Variants in TDRP observed in about 807,000 individuals in gnomAD.
TDRP encodes the protein testis development related protein.
A neutral mutation model predicts 10.5 loss-of-function variants in TDRP; 12 were observed. The ratio of observed to expected loss-of-function variants is 1.15; its 90% CI spans 0.73 to 1.86. The LOEUF is 1.86. TDRP is among the 40% of genes most tolerant of loss of function. The probability of loss-of-function intolerance (pLI) is 0.00; values close to 1 mark genes in which losing one functional copy is unlikely to be tolerated. For missense variants in TDRP, 353 were observed against 229.2 expected, an observed-to-expected ratio of 1.54 and a Z score of -3.49; for synonymous variants, 139 against 95.4, an observed-to-expected ratio of 1.46 and a Z score of -2.67.
intron 1 of TDRP, among the ~76,000 whole-genome samples, chr8:540,579 C>A (rs1026808568): frequency 2.0e-5 from 3 of 151,930 alleles, no homozygotes; most frequent in Admixed American, 2.0e-4. Context: ...TGGAGGATTG[C>A]AATGAATGAT....
At chr8:531,196 G>C (rs989112305) in intron 1 of TDRP, among the ~76,000 whole-genome samples, 3 of 152,058 alleles carry the variant, frequency 2.0e-5, no homozygotes, top group African/African-American at 7.2e-5. Context: ...CTACTTCAAT[G>C]CAGCTGTTCT....
At chr8:523,978 T>C (rs1054193526) in intron 1 of TDRP, among the ~76,000 whole-genome samples, 1 of 152,190 alleles carries the variant, frequency 6.6e-6, no homozygotes, top group Admixed American at 6.5e-5. Flanking sequence ...GCAGTGGTTA[T>C]AGCAGGGCCT....
At chr8:521,825 T>C (rs987856779) in intron 1 of TDRP, among the ~76,000 whole-genome samples, 1 of 152,334 alleles carries the variant, frequency 6.6e-6, no homozygotes, top group Admixed American at 6.5e-5. Flanking sequence ...GTGGGTAATA[T>C]GGACATTTTA....
intron 1 of TDRP, among the ~76,000 whole-genome samples, chr8:505,952 C>G (rs1400642706): frequency 6.6e-6 from 1 of 152,076 alleles, no homozygotes; most frequent in Non-Finnish European, 1.5e-5. Flanking sequence ...GGACAGGGTC[C>G]CTAAGCAGCA....
chr8:516,769 A>C (rs1000946903), intron 1 of TDRP, among the ~76,000 whole-genome samples: 3 of 152,350 alleles, frequency 2.0e-5, no homozygotes, highest in African/African-American at 7.2e-5. Flanking sequence ...ACTTGAAACC[A>C]AATGACTTGA....
intron 1 of TDRP, among the ~76,000 whole-genome samples, chr8:536,297 G>T (rs1802346864): frequency 6.6e-6 from 1 of 152,218 alleles, no homozygotes; most frequent in Non-Finnish European, 1.5e-5. Context: ...TTAGTGAGCT[G>T]ATCTGAGTCT....
chr8:517,632 C>T (rs1198228531), intron 1 of TDRP, among the ~76,000 whole-genome samples: 4 of 152,188 alleles, frequency 2.6e-5, no homozygotes, highest in Non-Finnish European at 5.9e-5. Flanking sequence ...CCAGGCCAAA[C>T]CAATATATAC....
At chr8:494,379 G>T in intron 2 of TDRP, 115 bp downstream of exon 2, 1 of 946,278 alleles carries the variant, frequency 1.1e-6, no homozygotes, top group Non-Finnish European at 1.6e-6. Flanking sequence ...GACTCGCCGC[G>T]CCCCACAATG....
chr8:542,430 G>C (rs1265756778), intron 1 of TDRP, among the ~76,000 whole-genome samples: 3 of 152,100 alleles, frequency 2.0e-5, no homozygotes, highest in East Asian at 1.9e-4. Context: ...CATTCTGTGG[G>C]GGTGATGATA....
intron 1 of TDRP, among the ~76,000 whole-genome samples, chr8:518,057 T>G (rs991548245): frequency 6.6e-6 from 1 of 152,148 alleles, no homozygotes; most frequent in Non-Finnish European, 1.5e-5. Context: ...CACCGTACAC[T>G]CATCCAGACT....
chr8:540,828 G>C (rs989722819), intron 1 of TDRP, among the ~76,000 whole-genome samples: 2 of 133,498 alleles, frequency 1.5e-5, no homozygotes, highest in African/African-American at 5.5e-5. Flanking sequence ...AAAAAAAAAA[G>C]GTGTGTAACC....
intron 1 of TDRP, among the ~76,000 whole-genome samples, chr8:540,167 G>A (rs1802456009): frequency 6.6e-6 from 1 of 152,194 alleles, no homozygotes; most frequent in African/African-American, 2.4e-5. Flanking sequence ...TGAGGGCAGA[G>A]GTTAGAAGAC....
At chr8:501,377 TTCTC>T (rs769671203) in intron 1 of TDRP, among the ~76,000 whole-genome samples, 2 of 151,550 alleles carry the variant, frequency 1.3e-5, no homozygotes, top group African/African-American at 2.4e-5. Flanking sequence ...GATGGAGTCT[TTCTC>T]TGTTGCCCAG....
chr8:498,610 C>A (rs918099687), intron 1 of TDRP, among the ~76,000 whole-genome samples: 2 of 152,074 alleles, frequency 1.3e-5, no homozygotes, highest in African/African-American at 4.8e-5. Flanking sequence ...TGAGTTAATG[C>A]TGGAATGAGT....
Position 531,973 on chromosome 8 carries a change from CTG to C in TDRP, c.108+12675_108+12676del, listed in dbSNP as rs1322107270. ...GTGGTTGCGTAATAAAATCTCCTGA[CTG>C]TGATACACTTTGCTGCTATAGCAGA... On this transcript the variant is annotated intron_variant, in intron 1 of 2. Coordinates refer to ENST00000324079, the MANE Select transcript of TDRP (RefSeq NM_001384899.1). Among the ~76,000 whole-genome samples the C allele has an allele frequency of 2.0e-5, 3 of 152,334 alleles. No homozygotes were observed. The East Asian group carries it at 5.8e-4, about 29-fold the overall frequency.
intron 1 of TDRP, among the ~76,000 whole-genome samples, chr8:514,990 G>C (rs1192212929): frequency 6.6e-6 from 1 of 152,182 alleles, no homozygotes; most frequent in Non-Finnish European, 1.5e-5. Context: ...ATACAATTCA[G>C]ACTTTATTCC....
intron 1 of TDRP, among the ~76,000 whole-genome samples, chr8:519,785 G>A (rs1038507283): frequency 1.3e-5 from 2 of 152,184 alleles, no homozygotes; most frequent in South Asian, 2.1e-4. Flanking sequence ...GAGGCAGTGG[G>A]GCGAGGCATT....
intron 1 of TDRP, among the ~76,000 whole-genome samples, chr8:525,986 G>C (rs985188851): frequency 1.1e-4 from 16 of 152,094 alleles, no homozygotes; most frequent in African/African-American, 3.6e-4. Context: ...TATTGTTATT[G>C]GTCTGTTCAG....
intron 1 of TDRP, among the ~76,000 whole-genome samples, chr8:503,783 C>G (rs936016690): frequency 1.5e-5 from 2 of 134,494 alleles, no homozygotes; most frequent in African/African-American, 2.7e-5. Flanking sequence ...GAGCCACACA[C>G]TGGAACCCAT....
Sources: allele counts gnomAD v4.1 joint callset (sites outside exome capture counted in the v4.1 genomes callset), GRCh38; gene constraint gnomAD v4.1.1; transcripts MANE v1.5; gene names NCBI Gene and HGNC (gene_info 2026-07-23, HGNC 2026-07-21).